The following LRRC4C variants were observed in gnomAD, a reference collection of about 807,000 sequenced individuals.
LRRC4C encodes the protein leucine-rich repeat-containing protein 4C.
Under a neutral mutation model 33.6 loss-of-function variants are expected in LRRC4C, and 5 were observed. The observed-to-expected ratio is 0.15, with a 90% CI of 0.08 to 0.31. The LOEUF (loss-of-function observed/expected upper bound fraction) is 0.31. Ranked by LOEUF, LRRC4C falls within the 10% of genes least tolerant of loss-of-function variation. The pLI is 1.00. For synonymous variants in LRRC4C, 329 were observed against 302.0 expected, an observed-to-expected ratio of 1.09 and a Z score of -0.93; for missense variants, 560 against 796.7, an observed-to-expected ratio of 0.70 and a Z score of 3.58.
intron 3 of LRRC4C, among the ~76,000 whole-genome samples, chr11:40,430,539 A>G (rs985658421): frequency 3.9e-5 from 6 of 152,180 alleles, no homozygotes; most frequent in Non-Finnish European, 7.4e-5. Context: ...CTTCTCTTAC[A>G]TAGATACAAT....
chr11:41,267,053 T>C (rs1194325028), intron 1 of LRRC4C, among the ~76,000 whole-genome samples: 1 of 152,154 alleles, frequency 6.6e-6, no homozygotes, highest in Non-Finnish European at 1.5e-5. Context: ...TAAAATTCCA[T>C]ATGTTCTTGG....
chr11:40,558,806 G>C (rs1957430279), intron 3 of LRRC4C, among the ~76,000 whole-genome samples: 1 of 152,034 alleles, frequency 6.6e-6, no homozygotes, highest in Non-Finnish European at 1.5e-5. Flanking sequence ...TATCACCCAG[G>C]TATTAAGCCC....
At chr11:41,222,272 A>C (rs772848602) in intron 1 of LRRC4C, among the ~76,000 whole-genome samples, 1 of 152,168 alleles carries the variant, frequency 6.6e-6, no homozygotes, top group Non-Finnish European at 1.5e-5. Context: ...TAAAGGTTCT[A>C]TCACTTAACA....
At chr11:40,913,967 C>G (rs890665490) in intron 2 of LRRC4C, among the ~76,000 whole-genome samples, 11 of 152,042 alleles carry the variant, frequency 7.2e-5, no homozygotes, top group Admixed American at 7.2e-4. Flanking sequence ...ATAAATTCCT[C>G]GACATATACA....
At chr11:40,402,721 G>A (rs1388156459) in intron 3 of LRRC4C, among the ~76,000 whole-genome samples, 19 of 152,092 alleles carry the variant, frequency 1.2e-4, no homozygotes, top group Admixed American at 1.2e-3. Flanking sequence ...AATGAAAGAA[G>A]TAACCCTTTT....
rs566365390 is a variant in LRRC4C, at chr11:40,402,939, ATGT to A, written c.-269-83221_-269-83219del. On this transcript the variant is annotated intron_variant, in intron 3 of 6. Transcript: ENST00000528697. ...CCACATAACCTCCAGTGTACTTATA[ATGT>A]TGTTCATGCAAACTTCTTGCCTTTT... Among the ~76,000 whole-genome samples, 24 of 152,204 alleles carry A rather than the reference ATGT, an allele frequency of 1.6e-4. No homozygotes were observed. The South Asian group carries it at 5.0e-3, about 31-fold the overall frequency.
intron 2 of LRRC4C, among the ~76,000 whole-genome samples, chr11:40,651,992 T>C (rs1177617836): frequency 2.0e-5 from 3 of 152,230 alleles, no homozygotes; most frequent in African/African-American, 7.2e-5. Context: ...TTTAACTTTT[T>C]TGAATTTGAT....
intron 5 of LRRC4C, among the ~76,000 whole-genome samples, chr11:40,185,887 C>T (rs1050369289): frequency 6.6e-6 from 1 of 152,202 alleles, no homozygotes; most frequent in East Asian, 1.9e-4. Context: ...TGTCCCTCCC[C>T]CTTCCCGTGG....
chr11:40,215,877 T>C (rs1863937155), intron 5 of LRRC4C, among the ~76,000 whole-genome samples: 1 of 152,062 alleles, frequency 6.6e-6, no homozygotes, highest in South Asian at 2.1e-4. Context: ...GCTCAAAGAA[T>C]GGACACTCTT....
chr11:40,740,903 G>A (rs951351778), intron 2 of LRRC4C, among the ~76,000 whole-genome samples: 2 of 151,824 alleles, frequency 1.3e-5, no homozygotes, highest in Non-Finnish European at 2.9e-5. Flanking sequence ...TCCCCCCATT[G>A]GTACCTTTGT....
chr11:40,181,721 C>G (rs1303668672), intron 5 of LRRC4C, among the ~76,000 whole-genome samples: 1 of 152,102 alleles, frequency 6.6e-6, no homozygotes, highest in Non-Finnish European at 1.5e-5. Flanking sequence ...CCATTCTTAC[C>G]CAACCATGAG....
intron 6 of LRRC4C, among the ~76,000 whole-genome samples, chr11:40,140,202 T>G (rs1393389737): frequency 6.6e-6 from 1 of 152,204 alleles, no homozygotes; most frequent in Admixed American, 6.5e-5. Context: ...GATTACAATT[T>G]AATGATGATA....
At chr11:41,313,332 T>A (rs906544343) in intron 1 of LRRC4C, among the ~76,000 whole-genome samples, 2 of 152,186 alleles carry the variant, frequency 1.3e-5, no homozygotes, top group African/African-American at 4.8e-5. Flanking sequence ...ATGAAGAAAA[T>A]CATTAGCAAA....
chr11:41,019,168 C>T (rs1243244909), intron 1 of LRRC4C, among the ~76,000 whole-genome samples: 1 of 152,050 alleles, frequency 6.6e-6, no homozygotes, highest in Admixed American at 6.5e-5. Context: ...TAAGTTCCCT[C>T]CCCTCACCCC....
At chr11:40,216,140 A>C (rs1863960524) in intron 5 of LRRC4C, among the ~76,000 whole-genome samples, 1 of 152,152 alleles carries the variant, frequency 6.6e-6, no homozygotes, top group Non-Finnish European at 1.5e-5. Context: ...TAACTCTTCA[A>C]ATCTTAATTT....
chr11:41,378,026 C>T (rs1953004309), intron 1 of LRRC4C, among the ~76,000 whole-genome samples: 1 of 152,004 alleles, frequency 6.6e-6, no homozygotes, highest in African/African-American at 2.4e-5. Context: ...TTCAGAAAGG[C>T]GGGCAGTGGG....
At chr11:41,189,834 T>G (rs2136204243) in intron 1 of LRRC4C, among the ~76,000 whole-genome samples, 1 of 152,226 alleles carries the variant, frequency 6.6e-6, no homozygotes, top group East Asian at 1.9e-4. Context: ...ATTTCAATTC[T>G]GCCTAGCTAG....
At chr11:41,112,588 A>G (rs1941898188) in intron 1 of LRRC4C, among the ~76,000 whole-genome samples, 1 of 152,046 alleles carries the variant, frequency 6.6e-6, no homozygotes, top group Non-Finnish European at 1.5e-5. Context: ...AAAATTTTAT[A>G]AACAAATGCA....
chr11:40,786,590 A>G (rs1950418643), intron 2 of LRRC4C, among the ~76,000 whole-genome samples: 1 of 152,216 alleles, frequency 6.6e-6, no homozygotes, highest in South Asian at 2.1e-4. Context: ...GCTGATCGCT[A>G]CTACCACAGT....
Sources: allele counts gnomAD v4.1 joint callset (sites outside exome capture counted in the v4.1 genomes callset), GRCh38; gene constraint gnomAD v4.1.1; transcripts MANE v1.5; gene names NCBI Gene and HGNC (gene_info 2026-07-23, HGNC 2026-07-21).